ZCCHC4: variants seen among roughly 807,000 people sequenced by gnomAD.
The protein encoded by ZCCHC4 is rRNA N(6)-adenosine-methyltransferase ZCCHC4.
ZCCHC4 carries 54 observed loss-of-function variants against 67.7 expected under a neutral mutation model. That is an observed-to-expected ratio of 0.80 (90% CI 0.64 to 1.00). ZCCHC4 has a LOEUF of 1.00. ZCCHC4 is among the 50% of genes least tolerant of loss of function. The pLI is 0.00. For missense variants in ZCCHC4, 609 were observed against 617.0 expected, an observed-to-expected ratio of 0.99 and a Z score of 0.14; for synonymous variants, 198 against 213.5, an observed-to-expected ratio of 0.93 and a Z score of 0.63.
chr4:25,367,493 C>T (rs931288145), intron 12 of ZCCHC4, among the ~76,000 whole-genome samples: 2 of 152,184 alleles, frequency 1.3e-5, no homozygotes, highest in Non-Finnish European at 2.9e-5. Context: ...ATTTTGTGTA[C>T]AGGCACACAT....
In ZCCHC4 at chr4:25,333,272, A is replaced by C; in HGVS notation, c.419A>C (p.His140Pro). Reference sequence around the variant, plus strand: ...TTGTTACCAGATGACTGGGGGCAACATAGTGAGCATCAGGTTCTGGGTAAT... The same window carrying C: ...TTGTTACCAGATGACTGGGGGCAACCTAGTGAGCATCAGGTTCTGGGTAAT... The part of the protein sequence containing the change: ...QLLLPDDWGQ[H>P]SEHQVLGNVS... Residue 140 changes from histidine (H) to proline (P), a missense_variant, in exon 4 of 13, where the codon CAT becomes CCT. His to Pro is a moderately conservative substitution (Grantham distance 77, BLOSUM62 -2). Transcript: ENST00000302874. 6.2e-7 allele frequency: 1 copy of C among 1,614,206 alleles called. No individual in the cohort carries two copies. Among genetic ancestry groups the C allele is most frequent in the Non-Finnish European group, 8.5e-7 (1 of 1,180,014 alleles).
chr4:25,332,629 T>C (rs316779), intron 3 of ZCCHC4, among the ~76,000 whole-genome samples: 21,853 of 152,228 alleles, frequency 0.14, 1,681 homozygotes, highest in East Asian at 0.27. Flanking sequence ...TAGTCTTTTT[T>C]AAGGCTTTGA....
rs13102709 is a variant in ZCCHC4, at chr4:25,369,777, C to G, written c.*613C>G. The G allele has an allele frequency of 6.6e-6, 1 of 152,146 alleles. No individual in the cohort carries two copies. The highest frequency in any genetic ancestry group is 2.1e-4 in the South Asian group (1 of 4,832). The allele number at this position is 152,146 out of a possible 1,614,324, so 9.4% of individuals were successfully genotyped here. On this transcript the variant is annotated 3_prime_UTR_variant, in exon 13 of 13. Coordinates refer to ENST00000302874, the MANE Select transcript of ZCCHC4 (RefSeq NM_024936.3). Reference sequence around the variant, plus strand: ...CCTTTTTATCCAAAAAATGGGCAGACCATTCTTTTGCAGAAGATGTCAGAA... The same window carrying G: ...CCTTTTTATCCAAAAAATGGGCAGAGCATTCTTTTGCAGAAGATGTCAGAA...
chr4:25,312,898 C>T lies in ZCCHC4; in HGVS notation c.89C>T (p.Pro30Leu), dbSNP rs61743521. 3,160 of 1,612,906 alleles carry T rather than the reference C, an allele frequency of 2.0e-3. 59 individuals are homozygous for T. The African/African-American group carries it at 0.038, about 20-fold the overall frequency. ...AGCTCGGGAATGGAGGTGGTGCTTC[C>T]TTTGGATCCTGCCGTCCCCGCCCCG... ...RGSSGMEVVL[P>L]LDPAVPAPLC... The change falls in exon 1 of 13, where the codon CCT becomes CTT. Residue 30 changes from proline (P) to leucine (L), a missense_variant. Transcript: ENST00000302874.
chr4:25,348,582 A>G (rs1720135406), intron 6 of ZCCHC4, among the ~76,000 whole-genome samples: 1 of 152,196 alleles, frequency 6.6e-6, no homozygotes, highest in Non-Finnish European at 1.5e-5. Flanking sequence ...CTATTTATGT[A>G]TCATTTACGT....
At chr4:25,320,099 T>C (rs1047764430) in intron 3 of ZCCHC4, among the ~76,000 whole-genome samples, 3 of 152,190 alleles carry the variant, frequency 2.0e-5, no homozygotes, top group Non-Finnish European at 4.4e-5. Context: ...TTGATTTTCA[T>C]TTTTCTAATC....
At chr4:25,332,099 G>C (rs1237491814) in intron 3 of ZCCHC4, among the ~76,000 whole-genome samples, 1 of 152,154 alleles carries the variant, frequency 6.6e-6, no homozygotes, top group African/African-American at 2.4e-5. Flanking sequence ...CCTGAGGTCA[G>C]GAGTTTGAGA....
intron 5 of ZCCHC4, among the ~76,000 whole-genome samples, chr4:25,338,043 T>G (rs1249902844): frequency 1.3e-5 from 2 of 152,260 alleles, no homozygotes; most frequent in Non-Finnish European, 2.9e-5. Flanking sequence ...ATATAAACAT[T>G]TTAAAAAGTA....
intron 11 of ZCCHC4, 90 bp downstream of exon 11, chr4:25,364,595 G>GA: frequency 1.7e-6 from 2 of 1,154,882 alleles, no homozygotes; most frequent in Non-Finnish European, 2.5e-6. Flanking sequence ...ATTTATAAAC[G>GA]AAAAAATAAT....
intron 8 of ZCCHC4, chr4:25,351,997 C>T: frequency 2.9e-6 from 3 of 1,034,622 alleles, no homozygotes; most frequent in Non-Finnish European, 3.5e-6. Context: ...CTGATTTAGT[C>T]TTTCATCATC....
intron 1 of ZCCHC4, 92 bp downstream of exon 1, chr4:25,313,028 G>T (rs1718039688): frequency 6.5e-7 from 1 of 1,529,974 alleles, no homozygotes; most frequent in Non-Finnish European, 8.8e-7. Context: ...ATTTTTACCC[G>T]CCTCTTTCCC....
Position 25,332,546 on chromosome 4 carries a change from AAG to A in ZCCHC4, c.330-635_330-634del, listed in dbSNP as rs139511122. 6.8e-3 allele frequency among the ~76,000 whole-genome samples: 1,031 copies of A among 152,302 alleles called. 10 individuals carry two copies. The highest frequency in any genetic ancestry group is 0.023 in the African/African-American group (968 of 41,570). ...TAATCTCTAATAAAATTAAAAAAGA[AAG>A]AAAAAAGAAATGGTGACTTTGAAAT... On this transcript the variant is annotated intron_variant, in intron 3 of 12. Transcript: ENST00000302874.
chr4:25,354,905 CTTT>C (rs61156499), intron 8 of ZCCHC4, among the ~76,000 whole-genome samples: 9 of 101,526 alleles, frequency 8.9e-5, no homozygotes, highest in Admixed American at 7.0e-4. Flanking sequence ...TTGATTAGGC[CTTT>C]TTTTTTTTTT....
chr4:25,333,855 T>A, intron 4 of ZCCHC4, 53 bp from the exon 5 acceptor site: 1 of 1,220,276 alleles, frequency 8.2e-7, no homozygotes, highest in Non-Finnish European at 1.1e-6. Flanking sequence ...GTTTGTTTAT[T>A]GTCTATGACA....
chr4:25,340,421 G>T (rs1469608006), intron 5 of ZCCHC4, among the ~76,000 whole-genome samples: 1 of 151,934 alleles, frequency 6.6e-6, no homozygotes, highest in African/African-American at 2.4e-5. Context: ...TTTTGAAAAT[G>T]GGAAGTATGA....
intron 3 of ZCCHC4, among the ~76,000 whole-genome samples, chr4:25,328,626 G>C (rs1461194508): frequency 1.3e-5 from 2 of 152,052 alleles, no homozygotes; most frequent in African/African-American, 4.8e-5. Context: ...CTGTCACCCA[G>C]GCTGGAGTGC....
chr4:25,366,408 C>T (rs1426488680), intron 12 of ZCCHC4: 11 of 414,802 alleles, frequency 2.7e-5, no homozygotes, highest in South Asian at 1.0e-4. Flanking sequence ...CTCCGCCTCC[C>T]GGGTTCATGC....
Position 25,312,862 on chromosome 4 carries a change from G to A in ZCCHC4, c.53G>A (p.Gly18Glu), listed in dbSNP as rs1307421756. The change falls in exon 1 of 13, where the codon GGG (glycine) becomes GAG (glutamate). Residue 18 changes from glycine (G) to glutamate (E), a missense_variant. Coordinates refer to ENST00000302874, the MANE Select transcript of ZCCHC4 (RefSeq NM_024936.3). ...GCCGTGGAGGCAGAGGGCAGCGCAG[G>A]GTGCCGGGGAAGCTCGGGAATGGAG... ...FEAVEAEGSA[G>E]CRGSSGMEVV... 1 of 1,613,204 alleles carries A rather than the reference G, an allele frequency of 6.2e-7. No individual in the cohort carries two copies. Among genetic ancestry groups the A allele is most frequent in the South Asian group, 1.1e-5 (1 of 91,032 alleles).
intron 3 of ZCCHC4, among the ~76,000 whole-genome samples, chr4:25,316,014 C>T (rs961919141): frequency 2.5e-4 from 38 of 152,228 alleles, no homozygotes; most frequent in Non-Finnish European, 3.5e-4. Context: ...CCATTGTGCC[C>T]GACTATTTTT....
Sources: allele counts gnomAD v4.1 joint callset (sites outside exome capture counted in the v4.1 genomes callset), GRCh38; gene constraint gnomAD v4.1.1; transcripts MANE v1.5; gene names NCBI Gene and HGNC (gene_info 2026-07-23, HGNC 2026-07-21).